Variants in ME1 observed in about 807,000 individuals in gnomAD.
ME1 encodes the protein NADP-dependent malic enzyme.
In ME1, 74 loss-of-function variants were observed where a neutral mutation model predicts 66.4. The ratio of observed to expected loss-of-function variants is 1.11; its 90% CI spans 0.92 to 1.35. The LOEUF (loss-of-function observed/expected upper bound fraction) is 1.35. ME1 is among the 40% of genes most tolerant of loss of function. The pLI, the probability that ME1 is intolerant of heterozygous loss-of-function variation, is 0.00. For synonymous variants in ME1, 251 were observed against 235.6 expected (o/e 1.07, Z -0.60); for missense variants, 750 against 694.1 (o/e 1.08, Z -0.90).
At chr6:83,341,494 G>A (rs919394349) in intron 5 of ME1, among the ~76,000 whole-genome samples, 1 of 152,060 alleles carries the variant, frequency 6.6e-6, no homozygotes, top group Non-Finnish European at 1.5e-5. Context: ...AAACTCTGTA[G>A]TTTAACTCTG....
chr6:83,380,801 C>A (rs1769381121), intron 3 of ME1, among the ~76,000 whole-genome samples: 1 of 151,852 alleles, frequency 6.6e-6, no homozygotes, highest in Non-Finnish European at 1.5e-5. Context: ...CAAATATTGA[C>A]TTGGAAATTC....
In ME1 at chr6:83,216,555, A is replaced by G; in HGVS notation, c.1491T>C (p.Gly497=). 13 of 1,611,308 alleles carry G rather than the reference A, an allele frequency of 8.1e-6. No homozygotes were observed. Among genetic ancestry groups the G allele is most frequent in the Non-Finnish European group, 1.1e-5 (13 of 1,179,458 alleles). ...TGGTATTCAAAGGAGGATAAAGCCGACCCTCTTCCAAGTGTTTATCTGACA... is the reference window on the plus strand; with the variant it reads ...TGGTATTCAAAGGAGGATAAAGCCGGCCCTCTTCCAAGTGTTTATCTGACA... The part of the protein sequence containing the change: ...QQVSDKHLEE[G]RLYPPLNTIR... Residue 497 remains glycine (G), a synonymous_variant, in exon 13 of 14, where the codon GGT becomes GGC. Coordinates refer to ENST00000369705, the MANE Select transcript of ME1 (RefSeq NM_002395.6).
At chr6:83,369,683 G>C (rs964616050) in intron 3 of ME1, among the ~76,000 whole-genome samples, 1 of 145,474 alleles carries the variant, frequency 6.9e-6, no homozygotes, top group Non-Finnish European at 1.5e-5. Flanking sequence ...AAGGAAGGAA[G>C]GAAGGAAGGA....
intron 7 of ME1, among the ~76,000 whole-genome samples, chr6:83,244,017 G>A (rs1056446091): frequency 1.7e-4 from 26 of 150,612 alleles, no homozygotes; most frequent in Admixed American, 1.3e-3. Context: ...AAGGGTCATT[G>A]GAGTATAAGA....
chr6:83,269,210 T>A (rs1170256220), intron 6 of ME1, among the ~76,000 whole-genome samples: 2 of 152,168 alleles, frequency 1.3e-5, no homozygotes. Flanking sequence ...TATTGATTCA[T>A]TTATTTTCTA....
chr6:83,329,410 T>C (rs977779156), intron 5 of ME1, among the ~76,000 whole-genome samples: 2 of 152,212 alleles, frequency 1.3e-5, no homozygotes, highest in African/African-American at 4.8e-5. Context: ...CAAACATCTG[T>C]ACTGGTACTC....
In ME1 at chr6:83,325,920, C is replaced by CAA. The variant is rs113574841; in HGVS notation, c.601-10509_601-10508dup. Among the ~76,000 whole-genome samples the CAA allele has an allele frequency of 1.0e-4, 10 of 95,752 alleles. No individual in the cohort carries two copies. The East Asian group carries it at 2.3e-3, about 22-fold the overall frequency. The allele number at this position is 95,752 out of a possible 152,430, so 62.8% of individuals were successfully genotyped here. A position where few individuals can be genotyped will look rare whatever the true frequency, so the allele number is the denominator to read the frequency against. ...CCCATATAGCCCAGACAATCCTAAG[C>CAA]AAAAAAAACACAAAAAAACGAAGCA... On this transcript the variant is annotated intron_variant, in intron 5 of 13. Transcript: ENST00000369705.
intron 6 of ME1, among the ~76,000 whole-genome samples, chr6:83,295,363 TTC>T (rs1767578614): frequency 6.6e-6 from 1 of 152,172 alleles, no homozygotes; most frequent in Non-Finnish European, 1.5e-5. Context: ...CCAGAGTATC[TTC>T]TGTCTTCCAA....
intron 5 of ME1, among the ~76,000 whole-genome samples, chr6:83,327,868 C>T (rs1341896548): frequency 1.3e-5 from 2 of 152,080 alleles, no homozygotes; most frequent in Non-Finnish European, 2.9e-5. Context: ...CCCCCGGATG[C>T]CCAGCTTTAA....
intron 1 of ME1, among the ~76,000 whole-genome samples, chr6:83,410,063 T>C (rs1329905069): frequency 6.8e-6 from 1 of 146,766 alleles, no homozygotes; most frequent in East Asian, 1.9e-4. Flanking sequence ...CTGAAGTCTT[T>C]GCTTGCCATT....
Position 83,398,516 on chromosome 6 carries a change from C to A in ME1, c.213G>T (p.Arg71Ser), listed in dbSNP as rs1769785603. The A allele has an allele frequency of 6.6e-7, 1 of 1,513,030 alleles. No homozygotes were observed. The highest frequency in any genetic ancestry group is 2.4e-5 in the East Asian group (1 of 41,888). 93.7% of individuals were successfully genotyped at this position (1,513,030 alleles called of 1,614,324 possible). Residue 71 changes from arginine (R) to serine (S), a missense_variant and splice_region_variant, in exon 3 of 14, where the codon AGG becomes AGT. Physicochemically the swap from Arg to Ser is moderately radical, Grantham distance 110. Transcript: ENST00000369705. The stretch of plus-strand genomic sequence containing the variant: ...CTTGGAGATCCATTAAGAGAAGATA[C>A]CTGTAAAAATTGGACATAATTAGAT... ...NFEHLNSDFDRYLLLMDLQDR... is the reference protein window; with the variant it reads ...NFEHLNSDFDSYLLLMDLQDR...
At chr6:83,427,231 A>G (rs1033751418) in intron 1 of ME1, among the ~76,000 whole-genome samples, 7 of 152,204 alleles carry the variant, frequency 4.6e-5, no homozygotes, top group Admixed American at 4.6e-4. Flanking sequence ...ATGAAATCCT[A>G]CCTTGAATGA....
At chr6:83,223,702 T>C in intron 12 of ME1, 58 bp downstream of exon 12, 2 of 1,507,236 alleles carry the variant, frequency 1.3e-6, no homozygotes, top group Non-Finnish European at 1.8e-6. Context: ...TTAGACAACC[T>C]AGGCTGAGCA....
chr6:83,255,877 A>C (rs1215510894), intron 6 of ME1, among the ~76,000 whole-genome samples: 1 of 152,174 alleles, frequency 6.6e-6, no homozygotes, highest in Non-Finnish European at 1.5e-5. Flanking sequence ...ATGAGGAAAC[A>C]GGCACACAGG....
chr6:83,286,815 C>T (rs1380176845), intron 6 of ME1, among the ~76,000 whole-genome samples: 1 of 152,030 alleles, frequency 6.6e-6, no homozygotes, highest in African/African-American at 2.4e-5. Flanking sequence ...TTCCTTGTAG[C>T]CTCACAGTAC....
intron 5 of ME1, among the ~76,000 whole-genome samples, chr6:83,334,710 C>T (rs1768493986): frequency 4.7e-5 from 2 of 42,994 alleles, no homozygotes; most frequent in Admixed American, 3.1e-4. Context: ...GGCACACTGA[C>T]ACCTCACACG....
At chr6:83,330,130 T>G (rs1400465880) in intron 5 of ME1, among the ~76,000 whole-genome samples, 1 of 152,200 alleles carries the variant, frequency 6.6e-6, no homozygotes, top group Non-Finnish European at 1.5e-5. Flanking sequence ...TAATATTCTC[T>G]TACTGACCTG....
intron 6 of ME1, among the ~76,000 whole-genome samples, chr6:83,279,261 C>T (rs1004019381): frequency 6.6e-6 from 1 of 152,142 alleles, no homozygotes; most frequent in African/African-American, 2.4e-5. Flanking sequence ...CCTTTTACCC[C>T]ATATAGCAGG....
chr6:83,409,524 CAATG>C (rs1171180778), intron 1 of ME1, among the ~76,000 whole-genome samples: 1 of 152,176 alleles, frequency 6.6e-6, no homozygotes, highest in African/African-American at 2.4e-5. Flanking sequence ...TGAAAGAGGT[CAATG>C]AATGAACAAT....
Sources: gnomAD v4.1 joint callset for allele counts (sites outside exome capture counted in the v4.1 genomes callset) on GRCh38, gnomAD v4.1.1 for gene constraint, MANE v1.5 for transcripts, NCBI Gene and HGNC (gene_info 2026-07-23, HGNC 2026-07-21) for gene names.